The following KCNH8 variants were observed in gnomAD, a reference collection of about 807,000 sequenced individuals.
The protein encoded by KCNH8 is potassium voltage-gated channel subfamily H member 8.
In KCNH8, 70 loss-of-function variants were observed where a neutral mutation model predicts 103.6. The ratio of observed to expected loss-of-function variants is 0.68; its 90% CI spans 0.56 to 0.82. KCNH8 has a LOEUF of 0.82. Among genes scored for constraint, KCNH8 ranks in the 40% least tolerant of loss-of-function variants. The probability of loss-of-function intolerance (pLI) is 0.00; values close to 1 mark genes in which losing one functional copy is unlikely to be tolerated. For synonymous variants in KCNH8, 498 were observed against 489.4 expected, an observed-to-expected ratio of 1.02 and a Z score of -0.23; for missense variants, 1,217 against 1,329.9, an observed-to-expected ratio of 0.92 and a Z score of 1.32.
chr3:19,346,078 G>C (rs1203057106), intron 4 of KCNH8, among the ~76,000 whole-genome samples: 1 of 152,016 alleles, frequency 6.6e-6, no homozygotes, highest in Non-Finnish European at 1.5e-5. Context: ...AACTTATGTG[G>C]ATAGAAAATG....
chr3:19,463,972 A>G (rs1274693043), intron 11 of KCNH8, among the ~76,000 whole-genome samples: 5 of 152,152 alleles, frequency 3.3e-5, no homozygotes, highest in African/African-American at 4.8e-5. Flanking sequence ...ATCTGAAACA[A>G]TACCGCTTGC....
Position 19,513,153 on chromosome 3 carries a change from C to G in KCNH8, c.2263C>G (p.Gln755Glu). 1 of 1,613,946 alleles carries G rather than the reference C, an allele frequency of 6.2e-7. No individual in the cohort carries two copies. Among genetic ancestry groups the G allele is most frequent in the South Asian group, 1.1e-5 (1 of 91,072 alleles). Residue 755 changes from glutamine (Q) to glutamate (E), a missense_variant, in exon 13 of 16, where the codon CAA becomes GAA. Transcript: ENST00000328405. Reference sequence around the variant, plus strand: ...AGCCTACCTGGGCTTAAGCTTAAAGCAACTGGCCTCGGGAACGGTGCCCTT... The same window carrying G: ...AGCCTACCTGGGCTTAAGCTTAAAGGAACTGGCCTCGGGAACGGTGCCCTT... ...NKAYLGLSLK[Q>E]LASGTVPFHS...
At chr3:19,445,220 A>G (rs1447431703) in intron 8 of KCNH8, among the ~76,000 whole-genome samples, 9 of 152,032 alleles carry the variant, frequency 5.9e-5, no homozygotes, top group Non-Finnish European at 1.2e-4. Flanking sequence ...GCCAGACGAA[A>G]AAAAGTACAT....
At chr3:19,279,093 C>T (rs148386238) in intron 2 of KCNH8, among the ~76,000 whole-genome samples, 233 of 152,186 alleles carry the variant, frequency 1.5e-3, no homozygotes, top group African/African-American at 5.4e-3. Context: ...GATTTCATAC[C>T]GTTCTTTGTG....
Position 19,238,919 on chromosome 3 carries a change from A to G in KCNH8, c.77-14735A>G, listed in dbSNP as rs139969947. On this transcript the variant is annotated intron_variant, in intron 1 of 15. Coordinates refer to ENST00000328405, the MANE Select transcript of KCNH8 (RefSeq NM_144633.3). Reference sequence around the variant, plus strand: ...AAAATAGTAGCTTTAATTTTTACTCACACTAAAATTTTAAAGGAGCAAACC... The same window carrying G: ...AAAATAGTAGCTTTAATTTTTACTCGCACTAAAATTTTAAAGGAGCAAACC... Among the ~76,000 whole-genome samples the G allele has an allele frequency of 3.6e-3, 548 of 152,302 alleles. 13 individuals carry two copies. The highest frequency in any genetic ancestry group is 6.1e-3 in the Admixed American group (94 of 15,290).
chr3:19,482,541 T>C (rs1323477608), intron 11 of KCNH8, among the ~76,000 whole-genome samples: 1 of 152,178 alleles, frequency 6.6e-6, no homozygotes, highest in Non-Finnish European at 1.5e-5. Context: ...TTTTTATCAT[T>C]TGAAGAAGTA....
At chr3:19,257,436 T>C (rs749382321) in intron 2 of KCNH8, among the ~76,000 whole-genome samples, 2 of 152,060 alleles carry the variant, frequency 1.3e-5, no homozygotes, top group Non-Finnish European at 2.9e-5. Context: ...TGAGATGTCA[T>C]GTCCTATTTG....
intron 1 of KCNH8, among the ~76,000 whole-genome samples, chr3:19,232,023 G>A (rs1285939009): frequency 6.6e-6 from 1 of 152,152 alleles, no homozygotes; most frequent in African/African-American, 2.4e-5. Flanking sequence ...ATGCTGAATT[G>A]CTTTCACAAT....
intron 5 of KCNH8, among the ~76,000 whole-genome samples, chr3:19,367,358 G>A (rs7632181): frequency 0.29 from 42,032 of 146,234 alleles, 6,595 homozygotes; most frequent in East Asian, 0.42. Flanking sequence ...CTTTAACCCC[G>A]TATTATAATT....
chr3:19,413,059 T>C (rs2066805997), intron 7 of KCNH8, among the ~76,000 whole-genome samples: 1 of 152,042 alleles, frequency 6.6e-6, no homozygotes, highest in Non-Finnish European at 1.5e-5. Context: ...GAAATACATA[T>C]GCACTCGCAT....
intron 1 of KCNH8, among the ~76,000 whole-genome samples, chr3:19,247,733 T>C (rs555642007): frequency 1.3e-5 from 2 of 152,338 alleles, no homozygotes; most frequent in Non-Finnish European, 1.5e-5. Flanking sequence ...TTCTGCATAA[T>C]TGGCAGGAAG....
At chr3:19,219,488 A>C (rs1048573377) in intron 1 of KCNH8, among the ~76,000 whole-genome samples, 1 of 152,184 alleles carries the variant, frequency 6.6e-6, no homozygotes, top group African/African-American at 2.4e-5. Flanking sequence ...AACAGGTCAA[A>C]AAATGTGTGT....
chr3:19,533,774 T>C lies in KCNH8; in HGVS notation c.2999T>C (p.Val1000Ala), dbSNP rs547636747. Residue 1000 changes from valine (V) to alanine (A), a missense_variant, in exon 16 of 16, where the codon GTT (valine) becomes GCT (alanine). Val to Ala is a moderately conservative substitution (Grantham distance 64). Around this residue, in one of 3 missense-constraint regions of KCNH8, gnomAD observed 558 missense variants for 495.8 expected, o/e 1.13. Transcript: ENST00000328405. Reference protein sequence around the residue: ...SLDYSPSHYQVVQEGHLQFLR... With the variant: ...SLDYSPSHYQAVQEGHLQFLR... Reference sequence around the variant, plus strand: ...GATTATTCACCTTCCCACTACCAGGTTGTCCAAGAAGGTCATTTGCAATTT... The same window carrying C: ...GATTATTCACCTTCCCACTACCAGGCTGTCCAAGAAGGTCATTTGCAATTT... The C allele has an allele frequency of 7.4e-6, 12 of 1,614,174 alleles. No homozygotes were observed. Among genetic ancestry groups the C allele is most frequent in the Admixed American group, 6.7e-5 (4 of 60,018 alleles).
rs188396310 is a variant in KCNH8 at position 19,479,136 on chromosome 3, G to C, written c.2040+22154G>C. ...TCCTAAGTGGGTTCCATCCCCTGGC[G>C]CACAGACCTTTTACTCTAACATACA... On this transcript the variant is annotated intron_variant, in intron 11 of 15. Transcript: ENST00000328405. 1.7e-4 allele frequency among the ~76,000 whole-genome samples: 26 copies of C among 152,182 alleles called. No homozygotes were observed. The East Asian group carries it at 5.0e-3, about 29-fold the overall frequency.
At chr3:19,392,252 G>A (rs867344831) in intron 6 of KCNH8, among the ~76,000 whole-genome samples, 6 of 145,356 alleles carry the variant, frequency 4.1e-5, no homozygotes, top group Admixed American at 1.4e-4. Context: ...CTCTCTTTTC[G>A]TCAATCTTAT....
At chr3:19,500,391 A>G (rs1233471832) in intron 11 of KCNH8, among the ~76,000 whole-genome samples, 2 of 152,144 alleles carry the variant, frequency 1.3e-5, no homozygotes, top group Non-Finnish European at 2.9e-5. Context: ...ACAGAAAATC[A>G]ACAAGGATAC....
intron 3 of KCNH8, among the ~76,000 whole-genome samples, chr3:19,338,915 A>C (rs977097320): frequency 6.6e-6 from 1 of 152,046 alleles, no homozygotes; most frequent in Admixed American, 6.6e-5. Flanking sequence ...GCCTGTATGC[A>C]TTGTTTTATA....
At chr3:19,289,152 A>G (rs1490827190) in intron 3 of KCNH8, among the ~76,000 whole-genome samples, 2 of 151,934 alleles carry the variant, frequency 1.3e-5, no homozygotes, top group Admixed American at 6.6e-5. Context: ...GTAGATTGCA[A>G]AAATTTTCTC....
At chr3:19,469,660 TG>T (rs1446173197) in intron 11 of KCNH8, among the ~76,000 whole-genome samples, 1 of 152,164 alleles carries the variant, frequency 6.6e-6, no homozygotes, top group African/African-American at 2.4e-5. Context: ...GAAGTGATTG[TG>T]GCAAACATAG....
Sources: gnomAD v4.1 joint callset for allele counts (sites outside exome capture counted in the v4.1 genomes callset) on GRCh38, gnomAD v4.1.1 for gene constraint, gnomAD v4.1.1 regional missense constraint, MANE v1.5 for transcripts, NCBI Gene and HGNC (gene_info 2026-07-23, HGNC 2026-07-21) for gene names.